The following CENPE variants were observed in gnomAD, a reference collection of about 807,000 sequenced individuals.
CENPE encodes the protein centromere protein E.
A neutral mutation model predicts 336.1 loss-of-function variants in CENPE; 145 were observed. The observed-to-expected ratio is 0.43, with a 90% CI of 0.38 to 0.50. CENPE has a LOEUF of 0.50. Among genes scored for constraint, CENPE ranks in the 20% least tolerant of loss-of-function variants. CENPE has a pLI of 0.00. For missense variants in CENPE, 2,719 were observed against 3,023.3 expected, an observed-to-expected ratio of 0.90 and a Z score of 2.36; for synonymous variants, 1,013 against 984.8, an observed-to-expected ratio of 1.03 and a Z score of -0.54.
intron 31 of CENPE, 91 bp from the exon 32 acceptor site, chr4:103,145,425 C>T (rs1175735880): frequency 1.4e-6 from 2 of 1,400,776 alleles, no homozygotes; most frequent in Non-Finnish European, 2.0e-6. Flanking sequence ...AGGTTGCTTC[C>T]CAAAACAATT....
chr4:103,118,066 A>G (rs1750298627), intron 44 of CENPE, among the ~76,000 whole-genome samples: 1 of 152,206 alleles, frequency 6.6e-6, no homozygotes, highest in African/African-American at 2.4e-5. Context: ...GTGTGCACAT[A>G]TATTCTCAGC....
rs2720459 is a variant in CENPE at position 103,132,282 on chromosome 4, A to G, written c.6924+411T>C. Among the ~76,000 whole-genome samples, 24 of 152,274 alleles carry G rather than the reference A, an allele frequency of 1.6e-4. No individual in the cohort carries two copies. In the East Asian group the frequency reaches 4.6e-3, roughly 29 times the overall value. ...TGCTCTTAAAAAAAAAAGTTTATTAAAGCACATGAGGCCCATCTAAAGTAG... is the reference window on the plus strand; with the variant it reads ...TGCTCTTAAAAAAAAAAGTTTATTAGAGCACATGAGGCCCATCTAAAGTAG... On this transcript the variant is annotated intron_variant, in intron 42 of 48. Coordinates refer to ENST00000265148, the MANE Select transcript of CENPE (RefSeq NM_001813.3).
chr4:103,191,999 AG>A (rs981944420), intron 8 of CENPE, among the ~76,000 whole-genome samples: 9 of 151,920 alleles, frequency 5.9e-5, no homozygotes, highest in African/African-American at 2.2e-4. Flanking sequence ...TGGGTTAGGG[AG>A]GTGGCAGAGG....
Position 103,142,425 on chromosome 4 carries a change from T to C in CENPE, c.5305-517A>G, listed in dbSNP as rs1374023883. 2.6e-5 allele frequency among the ~76,000 whole-genome samples: 4 copies of C among 152,230 alleles called. No individual in the cohort carries two copies. The East Asian group carries it at 7.7e-4, about 29-fold the overall frequency. ...CTTGGTTCAAAGAAGGGTTCATTGCTGTAAGAACACAATACATTGAATTGC... is the reference window on the plus strand; with the variant it reads ...CTTGGTTCAAAGAAGGGTTCATTGCCGTAAGAACACAATACATTGAATTGC... On this transcript the variant is annotated intron_variant, in intron 34 of 48. Transcript: ENST00000265148.
chr4:103,177,167 T>A, intron 13 of CENPE, 121 bp from the exon 14 acceptor site: 1 of 761,644 alleles, frequency 1.3e-6, no homozygotes, highest in Non-Finnish European at 2.0e-6. Flanking sequence ...AAGCCTAGTT[T>A]AAAATTTTAT....
At chr4:103,119,427 A>G (rs1750416580) in intron 44 of CENPE, among the ~76,000 whole-genome samples, 2 of 152,324 alleles carry the variant, frequency 1.3e-5, no homozygotes, top group African/African-American at 4.8e-5. Flanking sequence ...GTTTCTAGCT[A>G]TAACAATTGT....
chr4:103,134,568 G>C (rs898093935), intron 40 of CENPE, among the ~76,000 whole-genome samples: 18 of 143,312 alleles, frequency 1.3e-4, no homozygotes, highest in African/African-American at 4.5e-4. Flanking sequence ...GGGAGGCGGA[G>C]CTTGCAGTGA....
At chr4:103,107,692 A>G (rs528054494) in intron 48 of CENPE, among the ~76,000 whole-genome samples, 3 of 152,150 alleles carry the variant, frequency 2.0e-5, no homozygotes, top group Non-Finnish European at 4.4e-5. Flanking sequence ...CCTTTGTTCA[A>G]TCAGGTGCCT....
chr4:103,175,242 T>C (rs999097787), intron 15 of CENPE, among the ~76,000 whole-genome samples: 2 of 152,006 alleles, frequency 1.3e-5, no homozygotes, highest in East Asian at 3.8e-4. Flanking sequence ...GAAACAGAGA[T>C]ATTATTTATT....
chr4:103,183,211 C>A lies in CENPE; in HGVS notation c.823G>T (p.Gly275Ter), dbSNP rs773194805. The change falls in exon 10 of 49, where the codon GGA (glycine) becomes TGA (stop). Residue 275 changes from glycine to a stop codon, truncating the protein, a stop_gained. Coordinates refer to ENST00000265148, the MANE Select transcript of CENPE (RefSeq NM_001813.3). LOFTEE classifies it high-confidence loss of function. ...LGQVIKKLSD[G>*]QVGGFINYRD... ...ACGGGATAAACTTACCCAACTTGTC[C>A]ATCACTAAGTTTCTTGATCACTTGT... The A allele has an allele frequency of 6.2e-7, 1 of 1,611,614 alleles. No individual in the cohort carries two copies. Among genetic ancestry groups the A allele is most frequent in the Non-Finnish European group, 8.5e-7 (1 of 1,178,476 alleles).
intron 42 of CENPE, among the ~76,000 whole-genome samples, chr4:103,127,984 A>C (rs1751272459): frequency 6.6e-6 from 1 of 152,158 alleles, no homozygotes; most frequent in South Asian, 2.1e-4. Context: ...CCGACTGTCA[A>C]AGCAGATCAA....
In CENPE at chr4:103,163,521, CT is replaced by C; in HGVS notation, c.1679del (p.Lys560ArgfsTer3). 1 of 1,585,888 alleles carries C rather than the reference CT, an allele frequency of 6.3e-7. No individual in the cohort carries two copies. Among genetic ancestry groups the C allele is most frequent in the Non-Finnish European group, 8.6e-7 (1 of 1,168,240 alleles). On this transcript the variant is annotated frameshift_variant, in exon 17 of 49. Coordinates refer to ENST00000265148, the MANE Select transcript of CENPE (RefSeq NM_001813.3). LOFTEE classifies it high-confidence loss of function. ...MQLIHEISNL[K>X]NLVKHAEVYN... ...ATACTTCTGCATGCTTAACTAAATT[CT>C]TTAAGTTCGAAATTTCATGAATTAG... is the stretch of plus-strand genomic sequence containing the variant.
intron 36 of CENPE, 56 bp from the exon 37 acceptor site, chr4:103,140,470 C>T (rs901053191): frequency 2.4e-5 from 29 of 1,195,296 alleles, no homozygotes; most frequent in Non-Finnish European, 3.4e-5. Flanking sequence ...GTTACCTTTA[C>T]TTAATGATTG....
intron 43 of CENPE, among the ~76,000 whole-genome samples, chr4:103,122,090 T>C (rs1458897248): frequency 1.3e-5 from 2 of 152,226 alleles, no homozygotes; most frequent in South Asian, 2.1e-4. Context: ...TTTAAATTAC[T>C]ATATTGGTAG....
chr4:103,191,878 G>A (rs1214807126), intron 8 of CENPE, among the ~76,000 whole-genome samples: 1 of 151,944 alleles, frequency 6.6e-6, no homozygotes, highest in Non-Finnish European at 1.5e-5. Context: ...CTCTCACAAT[G>A]GATCCACTAT....
In CENPE at chr4:103,140,040, C is replaced by T; in HGVS notation, c.5953G>A (p.Val1985Met). ...TGACTCATATTGACATCTTCTTTCA[C>T]TCTAAGCAGTTGAAGTTCTTTTTTC... is the stretch of plus-strand genomic sequence containing the variant. ...LQKKELQLLR[V>M]KEDVNMSHKK... The change falls in exon 38 of 49, where the codon GTG becomes ATG. Residue 1985 changes from valine to methionine, a missense_variant. Around this residue, in one of 5 missense-constraint regions of CENPE, gnomAD observed 2,437 missense variants for 2,513.3 expected, o/e 0.97. Transcript: ENST00000265148. The T allele has an allele frequency of 6.2e-7, 1 of 1,610,258 alleles. No individual in the cohort carries two copies. The highest frequency in any genetic ancestry group is 8.5e-7 in the Non-Finnish European group (1 of 1,178,604).
intron 43 of CENPE, among the ~76,000 whole-genome samples, chr4:103,121,526 A>G (rs114265890): frequency 0.017 from 2,529 of 151,250 alleles, 36 homozygotes; most frequent in Middle Eastern, 0.059. Context: ...TAATGCACTA[A>G]GCAAACCATC....
chr4:103,159,643 G>A (rs1754267167), intron 21 of CENPE, among the ~76,000 whole-genome samples: 1 of 151,714 alleles, frequency 6.6e-6, no homozygotes, highest in African/African-American at 2.4e-5. Context: ...TTTATCATGT[G>A]GCAGGCATTT....
chr4:103,139,813 T>C lies in CENPE; in HGVS notation c.6180A>G (p.Ala2060=). The C allele has an allele frequency of 6.2e-7, 1 of 1,610,474 alleles. No individual in the cohort carries two copies. The highest frequency in any genetic ancestry group is 8.5e-7 in the Non-Finnish European group (1 of 1,178,756). Residue 2060 remains alanine, a synonymous_variant, in exon 38 of 49, where the codon GCA becomes GCG. Transcript: ENST00000265148. The part of the protein sequence containing the change: ...SLKMERDQFI[A]TLREMIARDR... The stretch of plus-strand genomic sequence containing the variant: ...CTCTAGCTATCATTTCCCTTAAGGT[T>C]GCTATGAATTGGTCCCTTTCCATTT...
Sources: allele counts gnomAD v4.1 joint callset (sites outside exome capture counted in the v4.1 genomes callset), GRCh38; gene constraint gnomAD v4.1.1; regional missense constraint gnomAD v4.1.1; transcripts MANE v1.5; gene names NCBI Gene and HGNC (gene_info 2026-07-23, HGNC 2026-07-21).